The following WWOX variants were observed in gnomAD, a reference collection of about 807,000 sequenced individuals.
The protein encoded by WWOX is WW domain-containing oxidoreductase.
WWOX carries 69 observed loss-of-function variants against 46.2 expected under a neutral mutation model. That is an observed-to-expected ratio of 1.49 (90% CI 1.23 to 1.82). The LOEUF (loss-of-function observed/expected upper bound fraction) is 1.82, where lower values mean the gene tolerates loss of function less well. Ranked by LOEUF, WWOX falls within the 40% of genes most tolerant of loss-of-function variation. The pLI is 0.00. For missense variants in WWOX, 919 were observed against 542.6 expected, an observed-to-expected ratio of 1.69 and a Z score of -6.89; for synonymous variants, 359 against 202.6, an observed-to-expected ratio of 1.77 and a Z score of -6.56.
intron 8 of WWOX, among the ~76,000 whole-genome samples, chr16:79,165,628 A>T (rs1597437863): frequency 6.6e-6 from 1 of 152,152 alleles, no homozygotes; most frequent in Non-Finnish European, 1.5e-5. Flanking sequence ...CTCAGGACTC[A>T]TTGTCCAGAA....
intron 8 of WWOX, among the ~76,000 whole-genome samples, chr16:79,117,175 C>A (rs1053582119): frequency 6.6e-6 from 1 of 152,056 alleles, no homozygotes; most frequent in Non-Finnish European, 1.5e-5. Context: ...CTAGGCTGGG[C>A]TATTTTTGTA....
At chr16:78,751,153 T>C (rs192122346) in intron 8 of WWOX, among the ~76,000 whole-genome samples, 2 of 152,232 alleles carry the variant, frequency 1.3e-5, no homozygotes, top group Non-Finnish European at 2.9e-5. Context: ...CCAAAAAGAA[T>C]TTGACTCAAA....
At chr16:78,762,153 C>G (rs1181601892) in intron 8 of WWOX, among the ~76,000 whole-genome samples, 1 of 152,134 alleles carries the variant, frequency 6.6e-6, no homozygotes, top group African/African-American at 2.4e-5. Context: ...GATTAGGAAA[C>G]CAAGGTCAAA....
Position 78,307,430 on chromosome 16 carries a change from G to T in WWOX, c.517-79430G>T, listed in dbSNP as rs529565600. On this transcript the variant is annotated intron_variant, in intron 5 of 8. Coordinates refer to ENST00000566780, the MANE Select transcript of WWOX (RefSeq NM_016373.4). ...AGTACAATTATAAGTGTTCTTATGA[G>T]AGGGAGGCAGAGGGGACTGTGACTA... Among the ~76,000 whole-genome samples, 10 of 152,260 alleles carry T rather than the reference G, an allele frequency of 6.6e-5. No individual in the cohort carries two copies. The South Asian group carries it at 2.1e-3, about 32-fold the overall frequency.
chr16:78,164,211 C>G lies in WWOX; in HGVS notation c.438C>G (p.Leu146=), dbSNP rs777386106. Reference sequence around the variant, plus strand: ...TCGAAACCGCCAAGTCTTTTGCCCTCCATGGTGCACATGTGATCTTGGCCT... The same window carrying G: ...TCGAAACCGCCAAGTCTTTTGCCCTGCATGGTGCACATGTGATCTTGGCCT... ...IGFETAKSFA[L]HGAHVILACR... Residue 146 remains leucine (L), a synonymous_variant, in exon 5 of 9, where the codon CTC becomes CTG. Coordinates refer to ENST00000566780, the MANE Select transcript of WWOX (RefSeq NM_016373.4). 6.2e-7 allele frequency: 1 copy of G among 1,614,092 alleles called. No individual in the cohort carries two copies. Among genetic ancestry groups the G allele is most frequent in the Non-Finnish European group, 8.5e-7 (1 of 1,180,000 alleles).
intron 8 of WWOX, among the ~76,000 whole-genome samples, chr16:78,882,793 A>G (rs1162083776): frequency 6.6e-6 from 1 of 151,608 alleles, no homozygotes; most frequent in African/African-American, 2.4e-5. Context: ...CCGGTTATAC[A>G]TCTTAAATAT....
At chr16:78,438,402 TA>T (rs1013352891) in intron 8 of WWOX, among the ~76,000 whole-genome samples, 42 of 152,078 alleles carry the variant, frequency 2.8e-4, no homozygotes, top group African/African-American at 1.0e-3. Flanking sequence ...GCTTCCTTTT[TA>T]AAATGTTTGA....
intron 8 of WWOX, among the ~76,000 whole-genome samples, chr16:79,078,924 C>T (rs1208948601): frequency 3.3e-5 from 5 of 152,176 alleles, no homozygotes; most frequent in South Asian, 2.1e-4. Context: ...TGTTAGGCCT[C>T]TCCCAACCAG....
chr16:78,489,269 A>G (rs1487153986), intron 8 of WWOX, among the ~76,000 whole-genome samples: 1 of 152,202 alleles, frequency 6.6e-6, no homozygotes, highest in Non-Finnish European at 1.5e-5. Flanking sequence ...ACCAGCTGTA[A>G]CATAAGAACA....
At chr16:78,156,304 G>C (rs1477807727) in intron 4 of WWOX, among the ~76,000 whole-genome samples, 2 of 152,166 alleles carry the variant, frequency 1.3e-5, no homozygotes, top group Non-Finnish European at 2.9e-5. Flanking sequence ...TAACAGGTTT[G>C]TTTGGGAAAA....
At chr16:78,111,484 G>A (rs911547214) in intron 3 of WWOX, among the ~76,000 whole-genome samples, 3 of 152,142 alleles carry the variant, frequency 2.0e-5, no homozygotes, top group African/African-American at 4.8e-5. Context: ...TGTCACACCC[G>A]CATAAGGGCT....
chr16:78,408,785 T>A lies in WWOX; in HGVS notation c.606-16085T>A, dbSNP rs73571049. The stretch of plus-strand genomic sequence containing the variant: ...AAAGGAAGAGTTTCCTGAGTCACCT[T>A]TGGGAGGTAGGAAGGGTTTGACATG... On this transcript the variant is annotated intron_variant, in intron 6 of 8. Transcript: ENST00000566780. Among the ~76,000 whole-genome samples the A allele has an allele frequency of 9.9e-3, 1,504 of 152,182 alleles. 22 individuals carry two copies. Among genetic ancestry groups the A allele is most frequent in the African/African-American group, 0.033 (1,368 of 41,522 alleles).
At chr16:79,127,539 C>T (rs573168069) in intron 8 of WWOX, among the ~76,000 whole-genome samples, 2 of 152,300 alleles carry the variant, frequency 1.3e-5, no homozygotes, top group South Asian at 4.1e-4. Flanking sequence ...TTGTTCCCAG[C>T]CTTTTGCTAT....
intron 8 of WWOX, among the ~76,000 whole-genome samples, chr16:78,785,062 G>A (rs879630660): frequency 2.6e-5 from 4 of 152,154 alleles, no homozygotes; most frequent in Non-Finnish European, 5.9e-5. Context: ...AAATTCTAAA[G>A]ACTTGGGCAG....
intron 5 of WWOX, among the ~76,000 whole-genome samples, chr16:78,271,011 A>G (rs931768283): frequency 1.3e-5 from 2 of 152,182 alleles, no homozygotes; most frequent in African/African-American, 4.8e-5. Flanking sequence ...TGGTTTGAAA[A>G]TATGTTGTTT....
chr16:78,494,386 A>T (rs1047508220), intron 8 of WWOX, among the ~76,000 whole-genome samples: 2 of 152,204 alleles, frequency 1.3e-5, no homozygotes, highest in African/African-American at 2.4e-5. Flanking sequence ...GAAGGTAAAA[A>T]AGTTGGCAAC....
At chr16:78,975,458 C>CA in intron 8 of WWOX, among the ~76,000 whole-genome samples, 1 of 144,018 alleles carries the variant, frequency 6.9e-6, no homozygotes, top group East Asian at 2.0e-4. Context: ...GTTCCCCAAC[C>CA]TTTTTTTTTT....
At chr16:78,702,007 T>TTACATATATATATATATATATATA (rs1491150899) in intron 8 of WWOX, among the ~76,000 whole-genome samples, 2 of 57,626 alleles carry the variant, frequency 3.5e-5, no homozygotes, top group African/African-American at 1.3e-4. Context: ...CTACATAAAA[T>TTACATATATATATATATATATATA]TATATATATA....
At chr16:78,281,324 A>C (rs1038043795) in intron 5 of WWOX, among the ~76,000 whole-genome samples, 4 of 152,222 alleles carry the variant, frequency 2.6e-5, no homozygotes, top group Admixed American at 6.5e-5. Flanking sequence ...GCGGGGACAA[A>C]TATCCAAACT....
Sources: gnomAD v4.1 joint callset for allele counts (sites outside exome capture counted in the v4.1 genomes callset) on GRCh38, gnomAD v4.1.1 for gene constraint, MANE v1.5 for transcripts, NCBI Gene and HGNC (gene_info 2026-07-23, HGNC 2026-07-21) for gene names.